Variants in POLRMT observed in about 807,000 individuals in gnomAD.
POLRMT encodes RNA polymerase mitochondrial.
In POLRMT, 114 loss-of-function variants were observed where a neutral mutation model predicts 132.2. The ratio of observed to expected loss-of-function variants is 0.86; its 90% CI spans 0.74 to 1.01. POLRMT has a LOEUF of 1.01. POLRMT is among the 50% of genes least tolerant of loss of function. The probability of loss-of-function intolerance (pLI) is 0.00; values close to 1 mark genes in which losing one functional copy is unlikely to be tolerated. For synonymous variants in POLRMT, 1,020 were observed against 773.4 expected (o/e 1.32, Z -5.29); for missense variants, 2,003 against 1,729.1 (o/e 1.16, Z -2.81).
intron 3 of POLRMT, among the ~76,000 whole-genome samples, chr19:628,704 A>T (rs1985197703): frequency 6.6e-6 from 1 of 152,058 alleles, no homozygotes; most frequent in Non-Finnish European, 1.5e-5. Context: ...AACAACCAAG[A>T]GTTCCGAGGA....
chr19:625,044 C>A, intron 4 of POLRMT, 80 bp downstream of exon 4: 1 of 1,535,404 alleles, frequency 6.5e-7, no homozygotes, highest in East Asian at 2.3e-5. Flanking sequence ...GTCCCCAGCC[C>A]CCAGCCCAGG....
In POLRMT at chr19:621,236, G is replaced by T; in HGVS notation, c.2462C>A (p.Ala821Glu). 2 of 1,609,056 alleles carry T rather than the reference G, an allele frequency of 1.2e-6. No homozygotes were observed. The highest frequency in any genetic ancestry group is 1.7e-6 in the Non-Finnish European group (2 of 1,177,982). ...CTGGGCGAACTCCAGCAGGGCCCGC[G>T]CCACGTCGCTGCCCAGGTGGTTGAA... ...PHFNHLGSDV[A>E]RALLEFAQGR... Residue 821 changes from alanine to glutamate, a missense_variant, in exon 10 of 21, where the codon GCG becomes GAG. Transcript: ENST00000588649.
At chr19:623,766 C>T (rs1231271081) in intron 5 of POLRMT, among the ~76,000 whole-genome samples, 163 bp from the exon 6 acceptor site, 1 of 152,200 alleles carries the variant, frequency 6.6e-6, no homozygotes, top group Admixed American at 6.5e-5. Context: ...TCAGTGCCAG[C>T]AGTGCAAACC....
intron 4 of POLRMT, 86 bp downstream of exon 4, chr19:625,038 C>G: frequency 1.3e-6 from 2 of 1,524,990 alleles, no homozygotes; most frequent in Non-Finnish European, 8.8e-7. Context: ...CTGGGGGTCC[C>G]CAGCCCCCAG....
chr19:632,323 G>A (rs542615736), intron 2 of POLRMT, among the ~76,000 whole-genome samples: 12 of 152,324 alleles, frequency 7.9e-5, no homozygotes, highest in Admixed American at 3.3e-4. Flanking sequence ...AAGCACCGGC[G>A]GGAAGCAAGC....
At position 631,342 on chromosome 19, in the gene POLRMT, G is replaced by GA. The variant is rs991003483; in HGVS notation, c.194-1175_194-1174insT. 1.3e-5 allele frequency among the ~76,000 whole-genome samples: 2 copies of GA among 150,478 alleles called. 1 individual carries two copies. Among genetic ancestry groups the GA allele is most frequent in the South Asian group, 4.2e-4 (2 of 4,724 alleles). On this transcript the variant is annotated intron_variant, in intron 2 of 20. Transcript: ENST00000588649. ...GACCCTGTCTCAAAAAAAAAAAGGG[G>GA]GGGGGGGACCCAGGTGTCCAGATGT...
intron 1 of POLRMT, chr19:633,154 A>G: frequency 1.7e-6 from 1 of 591,424 alleles, no homozygotes; most frequent in Non-Finnish European, 2.8e-6. Flanking sequence ...GGTTCCTCGC[A>G]CTCGAGGTGC....
rs139099214 is a variant in POLRMT at position 618,992 on chromosome 19, C to A, written c.3267+5G>T. 108 of 1,570,310 alleles carry A rather than the reference C, an allele frequency of 6.9e-5. No individual in the cohort carries two copies. The African/African-American group carries it at 1.4e-3, about 20-fold the overall frequency. On this transcript the variant is annotated splice_donor_5th_base_variant and intron_variant, in intron 15 of 20. Coordinates refer to ENST00000588649, the MANE Select transcript of POLRMT (RefSeq NM_005035.4). Reference sequence around the variant, plus strand: ...CACTGGGGAGGGATGGGGTGGTACACTGACCTTGACCTTGGAGTCCAGGCG... The same window carrying A: ...CACTGGGGAGGGATGGGGTGGTACAATGACCTTGACCTTGGAGTCCAGGCG...
chr19:617,238 G>T lies in POLRMT; in HGVS notation c.*36C>A. 6.2e-7 allele frequency: 1 copy of T among 1,610,610 alleles called. No individual in the cohort carries two copies. Among genetic ancestry groups the T allele is most frequent in the African/African-American group, 1.3e-5 (1 of 74,994 alleles). On this transcript the variant is annotated 3_prime_UTR_variant, in exon 21 of 21. Coordinates refer to ENST00000588649, the MANE Select transcript of POLRMT (RefSeq NM_005035.4). ...ACAGTGGCTCCTGGGGGTGGCAAAA[G>T]AGCTTTATTTACACACTGACAAGGC...
Position 620,953 on chromosome 19 carries a change from G to T in POLRMT, c.2640+105C>A, listed in dbSNP as rs1191564390. On this transcript the variant is annotated intron_variant, in intron 10 of 20. Coordinates refer to ENST00000588649, the MANE Select transcript of POLRMT (RefSeq NM_005035.4). ...GCGCCAGGGGAGGGGGAGGGGAGGA[G>T]GAAGACGGGCAGGGGGCGCGGGGGC... The T allele has an allele frequency of 1.5e-4, 70 of 478,474 alleles. 2 individuals are homozygous for T. Among genetic ancestry groups the T allele is most frequent in the Non-Finnish European group, 2.0e-4 (64 of 325,028 alleles). 29.6% of individuals were successfully genotyped at this position (478,474 alleles called of 1,614,324 possible). A position where few individuals can be genotyped will look rare whatever the true frequency, so the allele number is the denominator to read the frequency against.
At chr19:620,733 G>A (rs1165367869) in intron 10 of POLRMT, among the ~76,000 whole-genome samples, 4 of 144,718 alleles carry the variant, frequency 2.8e-5, no homozygotes, top group Non-Finnish European at 6.1e-5. Context: ...GGAGGAGGGT[G>A]GACAGAGGAC....
At chr19:623,102 T>G (rs751983921) in intron 6 of POLRMT, 117 bp from the exon 7 acceptor site, 137 of 1,303,536 alleles carry the variant, frequency 1.1e-4, no homozygotes, top group Non-Finnish European at 1.4e-4. Context: ...GTCCCTGCTG[T>G]GTGTTCCGGG....
chr19:622,882 A>G lies in POLRMT; in HGVS notation c.1394T>C (p.Phe465Ser). Residue 465 changes from phenylalanine to serine, a missense_variant, in exon 7 of 21, where the codon TTC becomes TCC. Phe to Ser is a radical substitution (Grantham distance 155). Coordinates refer to ENST00000588649, the MANE Select transcript of POLRMT (RefSeq NM_005035.4). ...RLEREVYEGR[F>S]SLYPFLCLLD... Reference sequence around the variant, plus strand: ...CAGGCACAGGAAGGGGTAAAGTGAGAACCGGCCCTCGTACACCTCGCGCTC... The same window carrying G: ...CAGGCACAGGAAGGGGTAAAGTGAGGACCGGCCCTCGTACACCTCGCGCTC... The G allele has an allele frequency of 6.2e-7, 1 of 1,610,670 alleles. No individual in the cohort carries two copies. Among genetic ancestry groups the G allele is most frequent in the East Asian group, 2.2e-5 (1 of 44,786 alleles).
In POLRMT at chr19:621,420, G is replaced by C. The variant is rs777920611; in HGVS notation, c.2278C>G (p.Arg760Gly). The C allele has an allele frequency of 2.7e-6, 4 of 1,486,294 alleles. No individual in the cohort carries two copies. The highest frequency in any genetic ancestry group is 1.3e-5 in the South Asian group (1 of 79,784). The allele number at this position is 1,486,294 out of a possible 1,614,324, so 92.1% of individuals were successfully genotyped here. Residue 760 changes from arginine to glycine, a missense_variant, in exon 10 of 21, where the codon CGT (arginine) becomes GGT (glycine). Physicochemically the swap from Arg to Gly is moderately radical, Grantham distance 125 (BLOSUM62 -2). Coordinates refer to ENST00000588649, the MANE Select transcript of POLRMT (RefSeq NM_005035.4). The part of the protein sequence containing the change: ...AAPARKAELR[R>G]ELAHCQKVAR... ...ACCTTCTGGCAGTGCGCCAGCTCAC[G>C]GCGCAGCTCGGCCTTGCGGGCGGGC...
intron 5 of POLRMT, 115 bp from the exon 6 acceptor site, chr19:623,718 C>T (rs765084152): frequency 2.9e-5 from 38 of 1,300,326 alleles, no homozygotes; most frequent in East Asian, 7.2e-5. Flanking sequence ...TTGCTGGTGG[C>T]TATCGCTGAC....
At chr19:620,559 G>T in intron 10 of POLRMT, 72 bp from the exon 11 acceptor site, 1 of 1,449,962 alleles carries the variant, frequency 6.9e-7, no homozygotes, top group South Asian at 1.4e-5. Flanking sequence ...GCTGTGTTGC[G>T]GGGAGGTGGG....
rs778628601 is a variant in POLRMT at position 622,659 on chromosome 19, G to A, written c.1549C>T (p.Gln517Ter). The change falls in exon 8 of 21, where the codon CAG (glutamine) becomes TAG (stop). Residue 517 changes from glutamine (Q) to a stop codon, truncating the protein, a stop_gained. Transcript: ENST00000588649. LOFTEE classifies it high-confidence loss of function. ...GCCTGCACCTGGCCACTGACCCGCTGCCTCTGCACCACGTGCCGGCTGAAA... is the reference window on the plus strand; with the variant it reads ...GCCTGCACCTGGCCACTGACCCGCTACCTCTGCACCACGTGCCGGCTGAAA... ...RTFSRHVVQR[Q>*]RVSGQVQALQ... is the part of the protein sequence containing the mutation. 1.9e-6 allele frequency: 3 copies of A among 1,606,998 alleles called. No individual in the cohort carries two copies. The highest frequency in any genetic ancestry group is 2.5e-6 in the Non-Finnish European group (3 of 1,178,160).
At position 617,563 on chromosome 19, in the gene POLRMT, G is replaced by A. The variant is rs55851991; in HGVS notation, c.3581+7C>T. ...ATCCAGGTAGTTGGGGTCAGGGAGC[G>A]CCTTACTCAGAGCAGAACCGCTTGA... is the stretch of plus-strand genomic sequence containing the variant. On this transcript the variant is annotated splice_region_variant and intron_variant, in intron 19 of 20. Coordinates refer to ENST00000588649, the MANE Select transcript of POLRMT (RefSeq NM_005035.4). The A allele has an allele frequency of 1.0e-4, 164 of 1,611,280 alleles. No homozygotes were observed. The highest frequency in any genetic ancestry group is 2.1e-4 in the South Asian group (19 of 91,028).
chr19:621,535 G>C lies in POLRMT; in HGVS notation c.2163C>G (p.Phe721Leu). 2.1e-6 allele frequency: 3 copies of C among 1,404,168 alleles called. No homozygotes were observed. The highest frequency in any genetic ancestry group is 2.8e-6 in the Non-Finnish European group (3 of 1,087,922). 87.0% of individuals were successfully genotyped at this position (1,404,168 alleles called of 1,614,324 possible). ...GRVLDLVLQL[F>L]QAKGCPQLGV... ...CTAGCTGGGGGCAGCCCTTGGCCTGGAAGAGCTGCAGCACCAGGTCCAGCA... is the reference window on the plus strand; with the variant it reads ...CTAGCTGGGGGCAGCCCTTGGCCTGCAAGAGCTGCAGCACCAGGTCCAGCA... The change falls in exon 10 of 21, where the codon TTC becomes TTG. Residue 721 changes from phenylalanine (F) to leucine (L), a missense_variant. By Grantham distance (22) the Phe-to-Leu change is conservative. Coordinates refer to ENST00000588649, the MANE Select transcript of POLRMT (RefSeq NM_005035.4).
Sources: allele counts gnomAD v4.1 joint callset (sites outside exome capture counted in the v4.1 genomes callset), GRCh38; gene constraint gnomAD v4.1.1; transcripts MANE v1.5; gene names NCBI Gene and HGNC (gene_info 2026-07-23, HGNC 2026-07-21).